LUZP2: variants seen among roughly 807,000 people sequenced by gnomAD.
The protein encoded by LUZP2 is leucine zipper protein 2.
Under a neutral mutation model 51.6 loss-of-function variants are expected in LUZP2, and 52 were observed. That is an observed-to-expected ratio of 1.01 (90% CI 0.81 to 1.27). LUZP2 has a LOEUF of 1.27. Ranked by LOEUF, LUZP2 falls within the 50% of genes most tolerant of loss-of-function variation. LUZP2 has a pLI of 0.00. For missense variants in LUZP2, 436 were observed against 395.4 expected, an observed-to-expected ratio of 1.10 and a Z score of -0.87; for synonymous variants, 154 against 137.3, an observed-to-expected ratio of 1.12 and a Z score of -0.85.
intron 5 of LUZP2, among the ~76,000 whole-genome samples, chr11:24,806,313 A>T (rs12272347): frequency 1.3e-5 from 2 of 152,154 alleles, no homozygotes; most frequent in Non-Finnish European, 2.9e-5. Flanking sequence ...GGTAGCTTGA[A>T]ATTGGGCATT....
intron 1 of LUZP2, among the ~76,000 whole-genome samples, chr11:24,553,179 C>G (rs1851770434): frequency 6.6e-6 from 1 of 151,602 alleles, no homozygotes; most frequent in Non-Finnish European, 1.5e-5. Context: ...TATACACACA[C>G]ATTTCTGTGC....
At chr11:24,773,976 T>C (rs1267423655) in intron 5 of LUZP2, among the ~76,000 whole-genome samples, 1 of 151,948 alleles carries the variant, frequency 6.6e-6, no homozygotes, top group Non-Finnish European at 1.5e-5. Flanking sequence ...GTCAACTAGA[T>C]TGGATTGAAG....
At chr11:25,020,316 A>G (rs1229319132) in intron 9 of LUZP2, among the ~76,000 whole-genome samples, 2 of 152,134 alleles carry the variant, frequency 1.3e-5, no homozygotes, top group Non-Finnish European at 2.9e-5. Context: ...AAGAAAGACC[A>G]TCTTCCATTT....
intron 1 of LUZP2, among the ~76,000 whole-genome samples, chr11:24,666,258 G>A (rs779817273): frequency 6.6e-6 from 1 of 152,164 alleles, no homozygotes; most frequent in Non-Finnish European, 1.5e-5. Context: ...ACTACAGATA[G>A]AGATGGGGAT....
chr11:24,598,732 C>G (rs1853526556), intron 1 of LUZP2, among the ~76,000 whole-genome samples: 1 of 152,114 alleles, frequency 6.6e-6, no homozygotes, highest in African/African-American at 2.4e-5. Context: ...AGCCAGGAAT[C>G]AGTCTAGTTT....
chr11:25,004,807 T>C (rs564433050), intron 9 of LUZP2, among the ~76,000 whole-genome samples: 1 of 152,298 alleles, frequency 6.6e-6, no homozygotes, highest in East Asian at 1.9e-4. Context: ...GGATCCATAC[T>C]GGGGATGGTA....
chr11:24,962,047 C>A (rs1400741461), intron 7 of LUZP2, among the ~76,000 whole-genome samples: 3 of 151,776 alleles, frequency 2.0e-5, no homozygotes, highest in Non-Finnish European at 4.4e-5. Context: ...GTTGAAAATT[C>A]TTTTCTTTAA....
chr11:24,701,506 G>A (rs1347485385), intron 1 of LUZP2: 1 of 161,550 alleles, frequency 6.2e-6, no homozygotes, highest in Non-Finnish European at 1.5e-5. Context: ...TGCAGAAAAC[G>A]AAGAGAGTAA....
intron 1 of LUZP2, among the ~76,000 whole-genome samples, chr11:24,663,364 C>T (rs1351071075): frequency 6.6e-6 from 1 of 152,094 alleles, no homozygotes; most frequent in East Asian, 1.9e-4. Flanking sequence ...TTCCCTTTTG[C>T]CTTCCACCAT....
chr11:24,761,303 C>A (rs1246586481), intron 4 of LUZP2, among the ~76,000 whole-genome samples: 2 of 152,098 alleles, frequency 1.3e-5, no homozygotes, highest in Non-Finnish European at 2.9e-5. Context: ...AGAGATGCTA[C>A]ATACTTTTAA....
intron 1 of LUZP2, among the ~76,000 whole-genome samples, chr11:24,672,431 T>C (rs1328293043): frequency 1.3e-5 from 2 of 152,218 alleles, no homozygotes; most frequent in African/African-American, 4.8e-5. Flanking sequence ...AATTACTGTA[T>C]ACATTAACAT....
At chr11:24,848,104 C>T (rs1337222384) in intron 5 of LUZP2, among the ~76,000 whole-genome samples, 3 of 152,098 alleles carry the variant, frequency 2.0e-5, no homozygotes, top group African/African-American at 7.2e-5. Context: ...GTGTCATTAG[C>T]TCTAGACCTT....
intron 1 of LUZP2, among the ~76,000 whole-genome samples, chr11:24,614,251 T>G (rs1854215256): frequency 6.6e-6 from 1 of 152,024 alleles, no homozygotes; most frequent in Non-Finnish European, 1.5e-5. Flanking sequence ...CCATTTTTGG[T>G]AAGTCTTCTC....
At chr11:24,600,809 C>A (rs1853607616) in intron 1 of LUZP2, among the ~76,000 whole-genome samples, 2 of 152,046 alleles carry the variant, frequency 1.3e-5, no homozygotes, top group Non-Finnish European at 2.9e-5. Flanking sequence ...CCTATTATAG[C>A]TGTTTAAAAA....
At chr11:24,996,534 A>G (rs1856503512) in intron 9 of LUZP2, among the ~76,000 whole-genome samples, 1 of 150,508 alleles carries the variant, frequency 6.6e-6, no homozygotes, top group African/African-American at 2.4e-5. Context: ...AAGAATTCTC[A>G]CGTTACAATT....
At chr11:24,759,484 C>G (rs1477754997) in intron 4 of LUZP2, among the ~76,000 whole-genome samples, 1 of 151,820 alleles carries the variant, frequency 6.6e-6, no homozygotes, top group East Asian at 1.9e-4. Flanking sequence ...TTTTTCTGTC[C>G]TTGTTTAACA....
intron 1 of LUZP2, among the ~76,000 whole-genome samples, chr11:24,685,025 CTG>C (rs5741709): frequency 0.39 from 57,159 of 147,542 alleles, 11,568 homozygotes; most frequent in East Asian, 0.52. Flanking sequence ...GTATTTTGCT[CTG>C]TGTGTGTGTG....
intron 5 of LUZP2, among the ~76,000 whole-genome samples, chr11:24,848,303 C>T (rs144801067): frequency 2.5e-4 from 38 of 152,294 alleles, no homozygotes; most frequent in Non-Finnish European, 4.6e-4. Context: ...TCACTTTTCA[C>T]ATTTATAGAT....
chr11:24,527,476 T>C (rs917464451), intron 1 of LUZP2, among the ~76,000 whole-genome samples: 12 of 151,196 alleles, frequency 7.9e-5, no homozygotes, highest in South Asian at 2.1e-4. Flanking sequence ...GGATATGTTT[T>C]TAAATATTTC....
Sources: gnomAD v4.1 joint callset for allele counts (sites outside exome capture counted in the v4.1 genomes callset) on GRCh38, gnomAD v4.1.1 for gene constraint, MANE v1.5 for transcripts, NCBI Gene and HGNC (gene_info 2026-07-23, HGNC 2026-07-21) for gene names.